Variants in RTL4 observed in about 807,000 individuals in gnomAD.
RTL4 encodes the protein retrotransposon Gag-like protein 4.
In RTL4, 4 loss-of-function variants were observed where a neutral mutation model predicts 5.3. The observed-to-expected ratio is 0.75, with a 90% CI of 0.37 to 1.72. The LOEUF (loss-of-function observed/expected upper bound fraction) is 1.72, where lower values mean the gene tolerates loss of function less well. RTL4 is among the 40% of genes most tolerant of loss of function. RTL4 has a pLI of 0.04. For synonymous variants in RTL4, 98 were observed against 87.3 expected, an observed-to-expected ratio of 1.12 and a Z score of -0.68; for missense variants, 260 against 227.1, an observed-to-expected ratio of 1.14 and a Z score of -0.93.
the RTL4 span, among the ~76,000 whole-genome samples, chrX:112,094,021 G>A: frequency 8.9e-6 from 1 of 111,841 alleles, no homozygotes; most frequent in Admixed American, 9.5e-5. Context: ...CATTGAAGAA[G>A]GAGACTTATA....
At chrX:112,200,004 T>C in the RTL4 span, among the ~76,000 whole-genome samples, 1 of 112,392 alleles carries the variant, frequency 8.9e-6, no homozygotes, top group East Asian at 2.8e-4. Context: ...CCGGGCACTC[T>C]TCTATGCGTT....
the RTL4 span, among the ~76,000 whole-genome samples, chrX:112,375,108 G>T: frequency 9.0e-6 from 1 of 111,450 alleles, no homozygotes; most frequent in Non-Finnish European, 1.9e-5. Context: ...CTTCTCAAGG[G>T]TGTTGCCCTA....
the RTL4 span, among the ~76,000 whole-genome samples, chrX:112,194,805 A>G: frequency 8.9e-6 from 1 of 112,102 alleles, no homozygotes; most frequent in East Asian, 2.8e-4. Flanking sequence ...ACCTGAAAAG[A>G]TAACTACGGA....
chrX:112,150,200 T>C, the RTL4 span, among the ~76,000 whole-genome samples: 2 of 111,252 alleles, frequency 1.8e-5, no homozygotes, highest in Non-Finnish European at 3.8e-5. Flanking sequence ...TGTAAGGAGT[T>C]TGGCTTTTTA....
chrX:112,138,383 A>T, the RTL4 span, among the ~76,000 whole-genome samples: 7 of 111,939 alleles, frequency 6.3e-5, no homozygotes, highest in South Asian at 2.6e-3. Flanking sequence ...TTGGGTAAGA[A>T]AGTAAATATT....
chrX:112,140,415 C>A, the RTL4 span, among the ~76,000 whole-genome samples: 3 of 111,785 alleles, frequency 2.7e-5, no homozygotes, highest in African/African-American at 9.8e-5. Context: ...ATGTCTTAGT[C>A]CATTTGTGGC....
chrX:112,249,724 A>G, the RTL4 span, among the ~76,000 whole-genome samples: 1 of 108,372 alleles, frequency 9.2e-6, no homozygotes, highest in African/African-American at 3.4e-5. Flanking sequence ...CTGGGTCTGA[A>G]CATCTCAGCC....
chrX:112,096,438 G>A, the RTL4 span, among the ~76,000 whole-genome samples: 3 of 111,479 alleles, frequency 2.7e-5, no homozygotes, highest in African/African-American at 9.8e-5. Flanking sequence ...TATATCAGTA[G>A]TGGCCCATTC....
chrX:112,295,870 A>G, the RTL4 span, among the ~76,000 whole-genome samples: 2 of 112,539 alleles, frequency 1.8e-5, no homozygotes, highest in African/African-American at 6.5e-5. Context: ...TGAAATGCCT[A>G]AAGATTGTAC....
the RTL4 span, among the ~76,000 whole-genome samples, chrX:112,427,146 C>G: frequency 2.7e-5 from 3 of 111,288 alleles, no homozygotes; most frequent in Non-Finnish European, 5.7e-5. Flanking sequence ...GCAAAGAAAA[C>G]TGAGGCCCAA....
At chrX:112,379,760 C>T in the RTL4 span, among the ~76,000 whole-genome samples, 1 of 111,419 alleles carries the variant, frequency 9.0e-6, no homozygotes, top group Non-Finnish European at 1.9e-5. Flanking sequence ...CATCTATTGA[C>T]ATGATCATAA....
At chrX:112,092,473 A>G in the RTL4 span, among the ~76,000 whole-genome samples, 30,749 of 110,943 alleles carry the variant, frequency 0.28, 7,822 homozygotes, top group African/African-American at 0.82. Context: ...AGACATGCAA[A>G]TCTGCCTCTC....
the RTL4 span, among the ~76,000 whole-genome samples, chrX:112,234,543 G>C: frequency 8.9e-6 from 1 of 111,872 alleles, no homozygotes; most frequent in African/African-American, 3.3e-5. Flanking sequence ...TCCAGAACTA[G>C]TGGTCGACTC....
chrX:112,145,764 A>C, the RTL4 span, among the ~76,000 whole-genome samples: 13 of 111,735 alleles, frequency 1.2e-4, no homozygotes, highest in Middle Eastern at 4.2e-3. Flanking sequence ...TTACCTAGGG[A>C]AAAAGAAACT....
At chrX:112,344,505 G>T in the RTL4 span, among the ~76,000 whole-genome samples, 7 of 110,937 alleles carry the variant, frequency 6.3e-5, no homozygotes, top group Non-Finnish European at 1.1e-4. Context: ...GAGCACAAAG[G>T]GGGAGGTGCT....
the RTL4 span, among the ~76,000 whole-genome samples, chrX:112,445,296 T>C: frequency 2.7e-5 from 3 of 112,314 alleles, no homozygotes; most frequent in African/African-American, 9.7e-5. Flanking sequence ...TTACTTTCCT[T>C]TTTGCTGTAG....
chrX:112,303,825 T>A, the RTL4 span, among the ~76,000 whole-genome samples: 428 of 110,147 alleles, frequency 3.9e-3, 1 homozygote, highest in African/African-American at 0.014. Context: ...GGATATAGGC[T>A]TCTGCTCATG....
At chrX:112,325,252 T>C in the RTL4 span, among the ~76,000 whole-genome samples, 2 of 111,466 alleles carry the variant, frequency 1.8e-5, no homozygotes, top group Non-Finnish European at 3.8e-5. Flanking sequence ...TCAATGCCAT[T>C]CCCATCAAGC....
the RTL4 span, among the ~76,000 whole-genome samples, chrX:112,087,617 C>T: frequency 9.0e-6 from 1 of 111,347 alleles, no homozygotes. Flanking sequence ...TAATGAGAGG[C>T]GAGCTATGGG....
Sources: allele counts gnomAD v4.1 joint callset (sites outside exome capture counted in the v4.1 genomes callset), GRCh38; gene constraint gnomAD v4.1.1; transcripts MANE v1.5; gene names NCBI Gene and HGNC (gene_info 2026-07-23, HGNC 2026-07-21).